The following SUFU variants were observed in gnomAD, a reference collection of about 807,000 sequenced individuals.
SUFU encodes the protein suppressor of fused homolog.
SUFU carries 7 observed loss-of-function variants against 58.9 expected under a neutral mutation model. The ratio of observed to expected loss-of-function variants is 0.12; its 90% confidence interval spans 0.07 to 0.22. SUFU has a LOEUF of 0.22. Among genes scored for constraint, SUFU ranks in the 10% least tolerant of loss-of-function variants. The pLI is 1.00. For missense variants in SUFU, 451 were observed against 641.3 expected (o/e 0.70, Z 3.20); for synonymous variants, 232 against 254.8 (o/e 0.91, Z 0.85).
intron 2 of SUFU, among the ~76,000 whole-genome samples, chr10:102,510,440 C>T (rs1423096735): frequency 6.6e-6 from 1 of 150,494 alleles, no homozygotes. Flanking sequence ...GATCTCCTGA[C>T]CTCGTGATCT....
chr10:102,519,387 C>G (rs1667372083), intron 2 of SUFU, among the ~76,000 whole-genome samples: 1 of 151,852 alleles, frequency 6.6e-6, no homozygotes, highest in African/African-American at 2.4e-5. Context: ...ATTAGCCGGG[C>G]CTGTTGGCGG....
At chr10:102,604,373 A>T (rs1486595134) in intron 8 of SUFU, among the ~76,000 whole-genome samples, 1 of 152,228 alleles carries the variant, frequency 6.6e-6, no homozygotes. Flanking sequence ...CTCCACAGCA[A>T]GTCTGGCATG....
chr10:102,528,191 A>G (rs1373729660), intron 2 of SUFU, among the ~76,000 whole-genome samples: 5 of 152,084 alleles, frequency 3.3e-5, no homozygotes, highest in African/African-American at 1.2e-4. Context: ...AGAAGGTGCA[A>G]CAGATGTCCA....
chr10:102,605,034 C>T (rs534636569), intron 8 of SUFU, among the ~76,000 whole-genome samples: 8 of 149,426 alleles, frequency 5.4e-5, no homozygotes, highest in South Asian at 2.1e-4. Context: ...TGTGTTCAAG[C>T]GATTCTCCTG....
Position 102,617,569 on chromosome 10 carries a change from C to A in SUFU, c.1296+141C>A, listed in dbSNP as rs1194612548. ...GCCTCATGGATTCAGGGCCTGGGGC[C>A]TGTGTGTAGGTATGGAGTGTGGATG... On this transcript the variant is annotated intron_variant, in intron 10 of 11. Transcript: ENST00000369902. The surrounding 1 kb of genome is among the most constrained non-coding windows in gnomAD (Gnocchi z 4.4). 1.7e-6 allele frequency: 2 copies of A among 1,200,356 alleles called. No individual in the cohort carries two copies. The highest frequency in any genetic ancestry group is 3.0e-5 in the African/African-American group (2 of 66,456). 74.4% of individuals were successfully genotyped at this position (1,200,356 alleles called of 1,614,324 possible).
At chr10:102,559,507 A>C (rs922867902) in intron 3 of SUFU, among the ~76,000 whole-genome samples, 3 of 152,180 alleles carry the variant, frequency 2.0e-5, no homozygotes, top group Non-Finnish European at 2.9e-5. Context: ...CAGATTTACA[A>C]ACAAATCTAG....
intron 2 of SUFU, among the ~76,000 whole-genome samples, chr10:102,523,580 G>C (rs2062574923): frequency 6.6e-6 from 1 of 152,206 alleles, no homozygotes; most frequent in African/African-American, 2.4e-5. Flanking sequence ...CAACACCATG[G>C]CTTGCCCTAA....
chr10:102,527,421 A>G (rs1419286424), intron 2 of SUFU, among the ~76,000 whole-genome samples: 1 of 152,096 alleles, frequency 6.6e-6, no homozygotes, highest in African/African-American at 2.4e-5. Flanking sequence ...TGAAGACAGG[A>G]GAACTGAGTT....
At chr10:102,554,254 T>A (rs73338627) in intron 3 of SUFU, among the ~76,000 whole-genome samples, 4,589 of 152,074 alleles carry the variant, frequency 0.03, 228 homozygotes, top group African/African-American at 0.1. Context: ...CATAGAAAAT[T>A]TAGCTGGGCA....
intron 10 of SUFU, among the ~76,000 whole-genome samples, chr10:102,620,395 A>G (rs931456416): frequency 1.3e-5 from 2 of 152,056 alleles, no homozygotes; most frequent in Non-Finnish European, 2.9e-5. Flanking sequence ...CTCCACACCC[A>G]CCTGCTCCAC....
intron 3 of SUFU, 84 bp from the exon 4 acceptor site, chr10:102,592,498 G>T: frequency 6.4e-7 from 1 of 1,559,138 alleles, no homozygotes. Flanking sequence ...AAGCCTCCCA[G>T]CCTGGGCTAG....
intron 3 of SUFU, among the ~76,000 whole-genome samples, chr10:102,579,359 A>G (rs2063249269): frequency 6.6e-6 from 1 of 152,196 alleles, no homozygotes; most frequent in Non-Finnish European, 1.5e-5. Context: ...AAAGGTTTGC[A>G]GCCCCCTACA....
chr10:102,600,613 GTAGT>G (rs990050988), intron 8 of SUFU, among the ~76,000 whole-genome samples: 1 of 152,204 alleles, frequency 6.6e-6, no homozygotes, highest in African/African-American at 2.4e-5. Context: ...AGGATCTGGG[GTAGT>G]TAGGGAGGGC....
chr10:102,555,400 A>G (rs576531407), intron 3 of SUFU, among the ~76,000 whole-genome samples: 54 of 151,904 alleles, frequency 3.6e-4, no homozygotes, highest in Non-Finnish European at 5.1e-4. Context: ...TCGTCCCTGA[A>G]TCAGATATGC....
intron 3 of SUFU, among the ~76,000 whole-genome samples, chr10:102,556,622 A>G (rs770591254): frequency 3.9e-5 from 6 of 152,002 alleles, no homozygotes; most frequent in Non-Finnish European, 7.4e-5. Context: ...ACGTGCCTGT[A>G]ATCCCAGCTA....
Position 102,617,328 on chromosome 10 carries a change from G to A in SUFU, c.1196G>A (p.Ser399Asn), listed in dbSNP as rs1421345157. Reference sequence around the variant, plus strand: ...CATGGACGGCACTTTACATATAAAAGTATCACAGGTGACATGGCCATCACG... The same window carrying A: ...CATGGACGGCACTTTACATATAAAAATATCACAGGTGACATGGCCATCACG... ...LLHGRHFTYK[S>N]ITGDMAITFV... is the part of the protein sequence containing the mutation. Residue 399 changes from serine to asparagine, a missense_variant, in exon 10 of 12, where the codon AGT (serine) becomes AAT (asparagine). Coordinates refer to ENST00000369902, the MANE Select transcript of SUFU (RefSeq NM_016169.4). The surrounding 1 kb of genome is among the most constrained non-coding windows in gnomAD (Gnocchi z 4.4). 3 of 1,614,220 alleles carry A rather than the reference G, an allele frequency of 1.9e-6. No individual in the cohort carries two copies. Among genetic ancestry groups the A allele is most frequent in the Non-Finnish European group, 2.5e-6 (3 of 1,180,044 alleles).
chr10:102,553,361 G>T (rs1307078138), intron 3 of SUFU, among the ~76,000 whole-genome samples: 2 of 152,178 alleles, frequency 1.3e-5, no homozygotes, highest in Non-Finnish European at 2.9e-5. Context: ...TTGAATATGT[G>T]AGGTTAGGGA....
At chr10:102,554,167 C>T (rs1460685777) in intron 3 of SUFU, among the ~76,000 whole-genome samples, 1 of 152,144 alleles carries the variant, frequency 6.6e-6, no homozygotes, top group Non-Finnish European at 1.5e-5. Flanking sequence ...CTCTGGGAGG[C>T]CGAGGTGGTT....
At chr10:102,539,629 A>G (rs1471852618) in intron 2 of SUFU, among the ~76,000 whole-genome samples, 1 of 152,190 alleles carries the variant, frequency 6.6e-6, no homozygotes, top group Non-Finnish European at 1.5e-5. Context: ...TAGTTGTCAA[A>G]TGGTGACTTC....
Sources: gnomAD v4.1 joint callset for allele counts (sites outside exome capture counted in the v4.1 genomes callset) on GRCh38, gnomAD v4.1.1 for gene constraint, Gnocchi (gnomAD v3.1) non-coding constraint, MANE v1.5 for transcripts, NCBI Gene and HGNC (gene_info 2026-07-23, HGNC 2026-07-21) for gene names.